The following NKAIN3 variants were observed in gnomAD, a reference collection of about 807,000 sequenced individuals.
NKAIN3 encodes sodium/potassium-transporting ATPase subunit beta-1-interacting protein 3.
NKAIN3 carries 25 observed loss-of-function variants against 30.2 expected under a neutral mutation model. That is an observed-to-expected ratio of 0.83 (90% CI 0.60 to 1.16). NKAIN3 has a LOEUF of 1.16. Ranked by LOEUF, NKAIN3 falls within the 50% of genes most tolerant of loss-of-function variation. NKAIN3 has a pLI of 0.00. For synonymous variants in NKAIN3, 91 were observed against 89.6 expected (o/e 1.02, Z -0.09); for missense variants, 225 against 254.1 (o/e 0.89, Z 0.78).
At chr8:62,249,256 C>T (rs1284167424) in intron 1 of NKAIN3, 129 bp downstream of exon 1, 2 of 747,610 alleles carry the variant, frequency 2.7e-6, no homozygotes, top group Non-Finnish European at 4.1e-6. Flanking sequence ...GCCCGCCTCC[C>T]ACCCTCCCCA....
At chr8:62,672,665 G>A (rs1387720144) in intron 3 of NKAIN3, among the ~76,000 whole-genome samples, 1 of 152,154 alleles carries the variant, frequency 6.6e-6, no homozygotes, top group Non-Finnish European at 1.5e-5. Flanking sequence ...CACTGACCAT[G>A]TTTGCCTCAT....
At chr8:62,579,702 T>C (rs779741624) in intron 2 of NKAIN3, 26 bp downstream of exon 2, 5 of 1,356,828 alleles carry the variant, frequency 3.7e-6, no homozygotes, top group Admixed American at 5.5e-5. Context: ...ATCATTTTGC[T>C]TCATATAAAC....
Position 62,980,587 on chromosome 8 carries a change from A to G in NKAIN3, c.*15180A>G, listed in dbSNP as rs939409759. 2.0e-5 allele frequency: 3 copies of G among 152,196 alleles called. No homozygotes were observed. Among genetic ancestry groups the G allele is most frequent in the Admixed American group, 6.5e-5 (1 of 15,272 alleles). The allele number at this position is 152,196 out of a possible 1,614,324, so 9.4% of individuals were successfully genotyped here. ...TTGTCCAGGGGTTTTGTTATTACAA[A>G]CCATAATATTTAACCCATTTCTTCT... On this transcript the variant is annotated 3_prime_UTR_variant, in exon 7 of 7. Transcript: ENST00000623646.
chr8:62,864,264 G>A, intron 4 of NKAIN3: 1 of 1,042,026 alleles, frequency 9.6e-7, no homozygotes, highest in Non-Finnish European at 1.4e-6. Context: ...CGAGGCAGAC[G>A]GCAAAGGACA....
intron 1 of NKAIN3, among the ~76,000 whole-genome samples, chr8:62,487,183 C>T (rs1297717208): frequency 6.6e-6 from 1 of 152,132 alleles, no homozygotes; most frequent in Non-Finnish European, 1.5e-5. Context: ...CCCCGTTTAC[C>T]CAGGCACTCA....
chr8:62,874,618 AC>A (rs1235741187), intron 4 of NKAIN3, among the ~76,000 whole-genome samples: 1 of 152,194 alleles, frequency 6.6e-6, no homozygotes, highest in African/African-American at 2.4e-5. Context: ...CTTATCCACC[AC>A]CATCAAGTTG....
At chr8:62,777,387 T>C (rs1395323030) in intron 4 of NKAIN3, among the ~76,000 whole-genome samples, 2 of 152,090 alleles carry the variant, frequency 1.3e-5, no homozygotes, top group Non-Finnish European at 2.9e-5. Context: ...TTCTTTTTTA[T>C]TTTTTTCTCT....
At chr8:62,259,132 T>TTTAA (rs1812352239) in intron 1 of NKAIN3, among the ~76,000 whole-genome samples, 1 of 152,150 alleles carries the variant, frequency 6.6e-6, no homozygotes, top group Non-Finnish European at 1.5e-5. Flanking sequence ...AATGGGAGAA[T>TTTAA]AAATATATTA....
At chr8:62,283,441 T>C (rs1813269704) in intron 1 of NKAIN3, among the ~76,000 whole-genome samples, 1 of 152,174 alleles carries the variant, frequency 6.6e-6, no homozygotes, top group Admixed American at 6.6e-5. Flanking sequence ...AAATTTAAAT[T>C]GGATCCCTGG....
chr8:62,771,055 T>C (rs1408819781), intron 4 of NKAIN3, among the ~76,000 whole-genome samples: 1 of 138,756 alleles, frequency 7.2e-6, no homozygotes, highest in African/African-American at 2.5e-5. Flanking sequence ...TTGTCTCTAA[T>C]TGGTATTGTA....
chr8:62,773,518 T>G (rs1282205984), intron 4 of NKAIN3, among the ~76,000 whole-genome samples: 2 of 152,114 alleles, frequency 1.3e-5, no homozygotes, highest in African/African-American at 4.8e-5. Context: ...GCTGATAAGG[T>G]TTGGCTATGT....
At chr8:62,462,272 A>G (rs777540089) in intron 1 of NKAIN3, among the ~76,000 whole-genome samples, 53 of 152,216 alleles carry the variant, frequency 3.5e-4, no homozygotes, top group Admixed American at 6.5e-4. Flanking sequence ...TCAGAATTGG[A>G]GGGAGAGCAG....
chr8:62,667,816 C>A (rs953130719), intron 3 of NKAIN3, among the ~76,000 whole-genome samples: 22 of 152,102 alleles, frequency 1.4e-4, no homozygotes, highest in Non-Finnish European at 1.2e-4. Flanking sequence ...ATATACCCTG[C>A]CTTTGCACCC....
chr8:62,725,261 T>C (rs1815217697), intron 3 of NKAIN3, among the ~76,000 whole-genome samples: 1 of 152,184 alleles, frequency 6.6e-6, no homozygotes, highest in Non-Finnish European at 1.5e-5. Flanking sequence ...GTTTGAGCTC[T>C]TTATACATTC....
chr8:62,542,701 A>AAAACATGTT (rs1808883118), intron 1 of NKAIN3, among the ~76,000 whole-genome samples: 1 of 152,186 alleles, frequency 6.6e-6, no homozygotes, highest in African/African-American at 2.4e-5. Context: ...GATACATGTT[A>AAAACATGTT]AAACATGTTA....
intron 1 of NKAIN3, among the ~76,000 whole-genome samples, chr8:62,363,663 C>T (rs879616140): frequency 2.0e-5 from 3 of 152,016 alleles, no homozygotes; most frequent in Non-Finnish European, 4.4e-5. Flanking sequence ...TTACAAGTGC[C>T]TTAAATTGTC....
chr8:62,680,901 A>C (rs1813625993), intron 3 of NKAIN3, among the ~76,000 whole-genome samples: 1 of 152,230 alleles, frequency 6.6e-6, no homozygotes, highest in Admixed American at 6.5e-5. Flanking sequence ...AGTTATAAAG[A>C]TAAGTAATTG....
rs1823760079 is a variant in NKAIN3 at position 62,968,480 on chromosome 8, T to A, written c.*3073T>A. Among the ~76,000 whole-genome samples, 1 of 152,200 alleles carries A rather than the reference T, an allele frequency of 6.6e-6. No individual in the cohort carries two copies. Among genetic ancestry groups the A allele is most frequent in the Non-Finnish European group, 1.5e-5 (1 of 68,042 alleles). On this transcript the variant is annotated 3_prime_UTR_variant, in exon 7 of 7. Transcript: ENST00000623646. ...TCTCCATATGCAATTGTGTGTCTGG[T>A]CAGAGTAAGGGAAAATGAATGCATC...
downstream of NKAIN3, among the ~76,000 whole-genome samples, chr8:62,988,341 C>T (rs185800712): frequency 1.2e-4 from 19 of 152,364 alleles, no homozygotes; most frequent in Non-Finnish European, 2.1e-4. Context: ...TGTGAGGGCT[C>T]CAACCCCACA....
Sources: gnomAD v4.1 joint callset for allele counts (sites outside exome capture counted in the v4.1 genomes callset) on GRCh38, gnomAD v4.1.1 for gene constraint, MANE v1.5 for transcripts, NCBI Gene and HGNC (gene_info 2026-07-23, HGNC 2026-07-21) for gene names.